The following C2orf74 variants were observed in gnomAD, a reference collection of about 807,000 sequenced individuals.
C2orf74 encodes uncharacterized protein C2orf74.
In C2orf74, 14 loss-of-function variants were observed where a neutral mutation model predicts 17.9. That is an observed-to-expected ratio of 0.78 (90% CI 0.52 to 1.22). The LOEUF is 1.22. C2orf74 is among the 50% of genes most tolerant of loss of function. The probability of loss-of-function intolerance (pLI) is 0.00; values close to 1 mark genes in which losing one functional copy is unlikely to be tolerated. For synonymous variants in C2orf74, 79 were observed against 72.6 expected, an observed-to-expected ratio of 1.09 and a Z score of -0.44; for missense variants, 217 against 218.4, an observed-to-expected ratio of 0.99 and a Z score of 0.04.
upstream of C2orf74, among the ~76,000 whole-genome samples, chr2:61,158,547 T>C (rs1172173455): frequency 1.3e-5 from 2 of 152,198 alleles, no homozygotes; most frequent in African/African-American, 4.8e-5. Flanking sequence ...AGAAAGCCAA[T>C]CACTGAGACA....
At chr2:61,148,145 T>C (rs548334683) in intron 1 of C2orf74, among the ~76,000 whole-genome samples, 1 of 148,006 alleles carries the variant, frequency 6.8e-6, no homozygotes, top group East Asian at 1.9e-4. Flanking sequence ...ATATATAATA[T>C]ATAAAAATGT....
upstream of C2orf74, among the ~76,000 whole-genome samples, chr2:61,158,429 C>T (rs1041282055): frequency 1.3e-5 from 2 of 152,142 alleles, no homozygotes; most frequent in African/African-American, 4.8e-5. Context: ...TTGGGATATA[C>T]ATAAGTGACA....
chr2:61,154,579 G>C (rs150461978), intron 1 of C2orf74, among the ~76,000 whole-genome samples: 4 of 152,200 alleles, frequency 2.6e-5, no homozygotes, highest in African/African-American at 9.6e-5. Flanking sequence ...CTGGGTGTGA[G>C]GTATATGAGA....
upstream of C2orf74, chr2:61,157,885 A>G (rs1173854813): frequency 2.1e-6 from 1 of 471,226 alleles, no homozygotes; most frequent in Admixed American, 2.3e-5. Flanking sequence ...CACATGGATC[A>G]AGGCCTTAGG....
chr2:61,161,413 A>G (rs1220083002), upstream of C2orf74, among the ~76,000 whole-genome samples: 2 of 150,804 alleles, frequency 1.3e-5, no homozygotes, highest in African/African-American at 4.8e-5. Context: ...TCTATTTCTC[A>G]TTTGTTGAGT....
At chr2:61,152,337 C>T (rs575755077) in intron 1 of C2orf74, among the ~76,000 whole-genome samples, 50 of 150,602 alleles carry the variant, frequency 3.3e-4, no homozygotes, top group African/African-American at 1.1e-3. Flanking sequence ...GTCAGGAGAT[C>T]GAGACCATCC....
chr2:61,162,479 T>A lies in C2orf74; in HGVS notation c.-36T>A, dbSNP rs1373020542. The A allele has an allele frequency of 3.4e-6, 5 of 1,455,406 alleles. No individual in the cohort carries two copies. The highest frequency in any genetic ancestry group is 4.7e-6 in the Non-Finnish European group (5 of 1,062,712). The allele number at this position is 1,455,406 out of a possible 1,614,324, so 90.2% of individuals were successfully genotyped here. On this transcript the variant is annotated 5_prime_UTR_variant, in exon 2 of 5. Transcript: ENST00000432605. Reference sequence around the variant, plus strand: ...TGGAAAAGAATATTTGGACAGTCTGTGATTGTGAGAGTGGATGAGTCTTCT... The same window carrying A: ...TGGAAAAGAATATTTGGACAGTCTGAGATTGTGAGAGTGGATGAGTCTTCT...
At chr2:61,154,838 T>G (rs956951893) in intron 1 of C2orf74, among the ~76,000 whole-genome samples, 2 of 151,988 alleles carry the variant, frequency 1.3e-5, no homozygotes, top group Non-Finnish European at 2.9e-5. Flanking sequence ...GCGGATCGCT[T>G]GAGGTCAGGA....
At position 61,164,414 on chromosome 2, in the gene C2orf74, C is replaced by G; in HGVS notation, c.451C>G (p.Gln151Glu). Residue 151 changes from glutamine (Q) to glutamate (E), a missense_variant, in exon 5 of 5, where the codon CAA becomes GAA. By Grantham distance (29) the Gln-to-Glu change is conservative. Transcript: ENST00000432605. ...VTRTPSVVES[Q>E]KRPLKGVTFS... ...TAGAACTCCTTCAGTTGTTGAAAGC[C>G]AAAAAAGACCTTTAAAAGGAGTGAC... is the stretch of plus-strand genomic sequence containing the variant. 6.5e-7 allele frequency: 1 copy of G among 1,549,734 alleles called. No homozygotes were observed. The highest frequency in any genetic ancestry group is 8.7e-7 in the Non-Finnish European group (1 of 1,146,378).
At chr2:61,163,257 G>T (rs1490543097) in intron 4 of C2orf74, 25 bp downstream of exon 4, 1 of 1,542,666 alleles carries the variant, frequency 6.5e-7, no homozygotes, top group Non-Finnish European at 8.7e-7. Context: ...TACTCTCAAA[G>T]AGCAGTTTAG....
chr2:61,158,986 TG>T (rs1685481040), upstream of C2orf74, among the ~76,000 whole-genome samples: 1 of 141,842 alleles, frequency 7.1e-6, no homozygotes, highest in African/African-American at 3.0e-5. Flanking sequence ...TTTTGTTGTT[TG>T]TTTGTTTGTT....
intron 1 of C2orf74, among the ~76,000 whole-genome samples, chr2:61,147,485 G>A (rs1299898877): frequency 6.6e-6 from 1 of 152,088 alleles, no homozygotes; most frequent in Admixed American, 6.6e-5. Context: ...TCCTCTTGCT[G>A]CATGTCCTCA....
intron 1 of C2orf74, among the ~76,000 whole-genome samples, chr2:61,146,957 C>T (rs1036760945): frequency 1.3e-5 from 2 of 152,084 alleles, no homozygotes; most frequent in African/African-American, 4.8e-5. Context: ...TTGAGACCAA[C>T]CTGGGCAGCA....
At chr2:61,161,166 A>G (rs562507842), upstream of C2orf74, among the ~76,000 whole-genome samples, 2 of 152,172 alleles carry the variant, frequency 1.3e-5, no homozygotes, top group Non-Finnish European at 2.9e-5. Context: ...AGTGTTGTTG[A>G]ACATTTTTTT....
rs544072959 is a variant in C2orf74 at position 61,163,125 on chromosome 2, G to A, written c.283G>A (p.Val95Met). The A allele has an allele frequency of 6.4e-7, 1 of 1,552,236 alleles. No homozygotes were observed. Among genetic ancestry groups the A allele is most frequent in the Non-Finnish European group, 8.7e-7 (1 of 1,147,088 alleles). ...GILVQRQSKE[V>M]LATPLENRRD... The stretch of plus-strand genomic sequence containing the variant: ...TCTTGTCCAGAGACAGAGTAAGGAA[G>A]TGTTGGCCACACCCTTAGAAAACAG... Residue 95 changes from valine (V) to methionine (M), a missense_variant, in exon 4 of 5, where the codon GTG becomes ATG. Transcript: ENST00000432605.
intron 1 of C2orf74, among the ~76,000 whole-genome samples, chr2:61,153,843 C>T (rs1478833924): frequency 2.7e-5 from 4 of 150,722 alleles, no homozygotes; most frequent in South Asian, 2.1e-4. Flanking sequence ...GAGCTGAGAT[C>T]GTGCCACTAC....
chr2:61,148,696 T>G (rs1016835601), intron 1 of C2orf74, among the ~76,000 whole-genome samples: 1 of 152,170 alleles, frequency 6.6e-6, no homozygotes, highest in Non-Finnish European at 1.5e-5. Context: ...TACATGTCCT[T>G]TGTATATGAA....
chr2:61,162,688 T>TA (rs1227070521), intron 2 of C2orf74, 79 bp downstream of exon 2: 2 of 1,111,544 alleles, frequency 1.8e-6, no homozygotes, highest in Admixed American at 2.2e-5. Context: ...TAAAACAATT[T>TA]AAAACAGAAC....
chr2:61,147,830 T>G (rs1685114323), intron 1 of C2orf74, among the ~76,000 whole-genome samples: 1 of 151,866 alleles, frequency 6.6e-6, no homozygotes, highest in South Asian at 2.1e-4. Context: ...TGCAGTGGTG[T>G]GATCTTGGCT....
Sources: allele counts gnomAD v4.1 joint callset (sites outside exome capture counted in the v4.1 genomes callset), GRCh38; gene constraint gnomAD v4.1.1; transcripts MANE v1.5; gene names NCBI Gene and HGNC (gene_info 2026-07-23, HGNC 2026-07-21).